The following BICD1 variants were observed in gnomAD, a reference collection of about 807,000 sequenced individuals.
BICD1 encodes protein bicaudal D homolog 1.
In BICD1, 35 loss-of-function variants were observed where a neutral mutation model predicts 92.5. That is an observed-to-expected ratio of 0.38 (90% confidence interval 0.29 to 0.50). The LOEUF (loss-of-function observed/expected upper bound fraction) is 0.50, where lower values mean the gene tolerates loss of function less well. Ranked by LOEUF, BICD1 falls within the 20% of genes least tolerant of loss-of-function variation. The pLI is 0.93. For synonymous variants in BICD1, 429 were observed against 465.1 expected, an observed-to-expected ratio of 0.92 and a Z score of 1.00; for missense variants, 950 against 1,189.8, an observed-to-expected ratio of 0.80 and a Z score of 2.97.
intron 2 of BICD1, among the ~76,000 whole-genome samples, chr12:32,240,392 G>T (rs1163941104): frequency 6.6e-6 from 1 of 152,150 alleles, no homozygotes; most frequent in Non-Finnish European, 1.5e-5. Flanking sequence ...TCCTCTTCCA[G>T]CTTCCATCTT....
At chr12:32,325,002 A>T (rs762188838) in intron 4 of BICD1, among the ~76,000 whole-genome samples, 11 of 151,560 alleles carry the variant, frequency 7.3e-5, no homozygotes, top group African/African-American at 2.7e-4. Context: ...TTCTTCTATA[A>T]CTCCATTTAG....
intron 1 of BICD1, among the ~76,000 whole-genome samples, chr12:32,185,840 G>A (rs1385861549): frequency 6.6e-6 from 1 of 152,228 alleles, no homozygotes; most frequent in Admixed American, 6.5e-5. Context: ...CAGTAGCAAA[G>A]ACAGTGCACT....
At chr12:32,307,112 A>G (rs567451319) in intron 4 of BICD1, among the ~76,000 whole-genome samples, 1 of 152,326 alleles carries the variant, frequency 6.6e-6, no homozygotes, top group South Asian at 2.1e-4. Context: ...AAAATGATGG[A>G]AACCATGCAG....
intron 5 of BICD1, among the ~76,000 whole-genome samples, chr12:32,330,654 AATT>A (rs1937816622): frequency 6.6e-6 from 1 of 151,828 alleles, no homozygotes; most frequent in Non-Finnish European, 1.5e-5. Flanking sequence ...ATCTGACTCT[AATT>A]TTAGGTCGGA....
At chr12:32,287,113 GTT>G (rs1250494041) in intron 2 of BICD1, among the ~76,000 whole-genome samples, 1 of 152,106 alleles carries the variant, frequency 6.6e-6, no homozygotes, top group African/African-American at 2.4e-5. Flanking sequence ...TTTCAGCTGA[GTT>G]TCTGGGAGTC....
At chr12:32,111,750 C>T (rs930466114) in intron 1 of BICD1, among the ~76,000 whole-genome samples, 2 of 151,520 alleles carry the variant, frequency 1.3e-5, no homozygotes, top group African/African-American at 4.8e-5. Context: ...TGAGACTACA[C>T]GCATTCACCA....
Position 32,313,831 on chromosome 12 carries a change from A to T in BICD1, c.1005+7709A>T, listed in dbSNP as rs111233871. ...TCTCTACCAAAAATACCCAGAAAAAATTAGCTGGGCACGGTGGTGCGTGCC... is the reference window on the plus strand; with the variant it reads ...TCTCTACCAAAAATACCCAGAAAAATTTAGCTGGGCACGGTGGTGCGTGCC... On this transcript the variant is annotated intron_variant, in intron 4 of 9. Transcript: ENST00000652176. The surrounding 1 kb of genome is among the most constrained non-coding windows in gnomAD (Gnocchi z 4.2). 0.077 allele frequency among the ~76,000 whole-genome samples: 11,777 copies of T among 152,112 alleles called. 498 individuals carry two copies. The highest frequency in any genetic ancestry group is 0.13 in the Middle Eastern group (38 of 294).
intron 1 of BICD1, among the ~76,000 whole-genome samples, chr12:32,160,149 T>C (rs1203361823): frequency 6.6e-6 from 1 of 152,216 alleles, no homozygotes; most frequent in Non-Finnish European, 1.5e-5. Context: ...TGGTAGCTGC[T>C]ACCCCTCCCA....
chr12:32,207,752 A>C (rs1945102007), intron 1 of BICD1, among the ~76,000 whole-genome samples: 1 of 152,242 alleles, frequency 6.6e-6, no homozygotes, highest in Non-Finnish European at 1.5e-5. Context: ...AACCTTTGCT[A>C]ATATAAACCG....
chr12:32,186,063 C>T (rs1006901159), intron 1 of BICD1, among the ~76,000 whole-genome samples: 3 of 152,202 alleles, frequency 2.0e-5, no homozygotes, highest in African/African-American at 7.2e-5. Flanking sequence ...TGCATAGAGG[C>T]AATGTTTCCA....
chr12:32,279,734 C>CAGAT (rs1241105468), intron 2 of BICD1, among the ~76,000 whole-genome samples: 2 of 152,222 alleles, frequency 1.3e-5, no homozygotes, highest in Admixed American at 6.5e-5. Flanking sequence ...TCCCATGGGA[C>CAGAT]AGATGCTTGT....
chr12:32,110,950 C>T (rs1019165255), intron 1 of BICD1, among the ~76,000 whole-genome samples: 27 of 151,610 alleles, frequency 1.8e-4, no homozygotes, highest in African/African-American at 6.3e-4. Flanking sequence ...AACTAATCTG[C>T]ACGTTGTGCA....
intron 1 of BICD1, among the ~76,000 whole-genome samples, chr12:32,206,804 G>GAAAACTAC (rs1268682588): frequency 6.6e-6 from 1 of 152,092 alleles, no homozygotes; most frequent in East Asian, 1.9e-4. Flanking sequence ...TTATAACAAT[G>GAAAACTAC]AAAACTACAT....
rs1040699996 is a variant in BICD1, at chr12:32,306,491, G to T, written c.1005+369G>T. Among the ~76,000 whole-genome samples, 3 of 151,950 alleles carry T rather than the reference G, an allele frequency of 2.0e-5. No individual in the cohort carries two copies. In the South Asian group the frequency reaches 6.2e-4, roughly 32 times the overall value. ...GATCTCCTGACTTCGTGATCCGCCC[G>T]CCTTGGCCTCCAAAGTGCTGGGATT... On this transcript the variant is annotated intron_variant, in intron 4 of 9. Coordinates refer to ENST00000652176, the MANE Select transcript of BICD1 (RefSeq NM_001714.4).
At chr12:32,245,840 G>A (rs988671987) in intron 2 of BICD1, among the ~76,000 whole-genome samples, 3 of 151,630 alleles carry the variant, frequency 2.0e-5, no homozygotes, top group Non-Finnish European at 4.4e-5. Context: ...GACCAGTCTG[G>A]CCAACATAGT....
intron 1 of BICD1, among the ~76,000 whole-genome samples, chr12:32,206,092 GT>G (rs1945049036): frequency 6.6e-6 from 1 of 152,062 alleles, no homozygotes; most frequent in Non-Finnish European, 1.5e-5. Context: ...CCACAACTTG[GT>G]TTTTTATTCA....
At chr12:32,109,130 G>T (rs1176619939) in intron 1 of BICD1, 1 of 153,794 alleles carries the variant, frequency 6.5e-6, no homozygotes, top group African/African-American at 2.4e-5. Flanking sequence ...TTTGCTGCTT[G>T]ATTTAAACAA....
intron 1 of BICD1, chr12:32,108,461 G>C: frequency 2.2e-6 from 1 of 448,904 alleles, no homozygotes; most frequent in Non-Finnish European, 4.0e-6. Context: ...TAAGTAACTC[G>C]GTCTTTTTTA....
chr12:32,248,524 T>A lies in BICD1; in HGVS notation c.426+32065T>A, dbSNP rs543770264. ...TGAAGGAGAGAGGTGGGAGGGATAA[T>A]TGCAAAAATGAAGTCCTTGAGCAGT... On this transcript the variant is annotated intron_variant, in intron 2 of 9. Transcript: ENST00000652176. Among the ~76,000 whole-genome samples, 196 of 152,282 alleles carry A rather than the reference T, an allele frequency of 1.3e-3. 2 individuals carry two copies. Among genetic ancestry groups the A allele is most frequent in the African/African-American group, 4.6e-3 (190 of 41,542 alleles).
Sources: gnomAD v4.1 joint callset for allele counts (sites outside exome capture counted in the v4.1 genomes callset) on GRCh38, gnomAD v4.1.1 for gene constraint, Gnocchi (gnomAD v3.1) non-coding constraint, MANE v1.5 for transcripts, NCBI Gene and HGNC (gene_info 2026-07-23, HGNC 2026-07-21) for gene names.